Variants in PNPLA1 observed in about 807,000 individuals in gnomAD.
PNPLA1 encodes the protein patatin like domain 1, omega-hydroxyceramide transacylase.
In PNPLA1, 36 loss-of-function variants were observed where a neutral mutation model predicts 51.7. That is an observed-to-expected ratio of 0.70 (90% confidence interval 0.53 to 0.92). The LOEUF is 0.92. Ranked by LOEUF, PNPLA1 falls within the 40% of genes least tolerant of loss-of-function variation. The pLI, the probability that PNPLA1 is intolerant of heterozygous loss-of-function variation, is 0.00. For missense variants in PNPLA1, 658 were observed against 682.5 expected, an observed-to-expected ratio of 0.96 and a Z score of 0.40; for synonymous variants, 293 against 280.1, an observed-to-expected ratio of 1.05 and a Z score of -0.46.
Position 36,301,947 on chromosome 6 carries a change from G to A in PNPLA1, c.862G>A (p.Glu288Lys). Residue 288 changes from glutamate to lysine, a missense_variant, in exon 6 of 9, where the codon GAG becomes AAG. Transcript: ENST00000636260. ...YCQIELALGNECPERSQPSLR... is the reference protein window; with the variant it reads ...YCQIELALGNKCPERSQPSLR... ...CCAGATAGAACTCGCCCTTGGCAAT[G>A]AGTGCCCTGAACGCAGTCAACCAAG... is the stretch of plus-strand genomic sequence containing the variant. 6.2e-7 allele frequency: 1 copy of A among 1,614,130 alleles called. No homozygotes were observed. The highest frequency in any genetic ancestry group is 8.5e-7 in the Non-Finnish European group (1 of 1,180,030).
intron 5 of PNPLA1, among the ~76,000 whole-genome samples, chr6:36,301,298 C>T (rs1168970168): frequency 6.6e-6 from 1 of 152,130 alleles, no homozygotes; most frequent in African/African-American, 2.4e-5. Flanking sequence ...GATTACCTCC[C>T]CTGCCTAAAA....
rs886061373 is a variant in PNPLA1, at chr6:36,291,562, C to T, written c.438+10C>T. On this transcript the variant is annotated intron_variant, in intron 2 of 8. Coordinates refer to ENST00000636260, the MANE Select transcript of PNPLA1 (RefSeq NM_001374623.1). Reference sequence around the variant, plus strand: ...GGAGGAGCTCATTGAGGCAAGGGGGCTGGGCTGGGAGGGAGGGACACGGAG... The same window carrying T: ...GGAGGAGCTCATTGAGGCAAGGGGGTTGGGCTGGGAGGGAGGGACACGGAG... The T allele has an allele frequency of 4.5e-5, 7 of 154,078 alleles. No homozygotes were observed. Among genetic ancestry groups the T allele is most frequent in the East Asian group, 2.3e-4 (1 of 4,262 alleles). 9.5% of individuals were successfully genotyped at this position (154,078 alleles called of 1,614,324 possible). A position where few individuals can be genotyped will look rare whatever the true frequency, so the allele number is the denominator to read the frequency against.
At chr6:36,310,463 A>G (rs1310744531) in intron 8 of PNPLA1, among the ~76,000 whole-genome samples, 2 of 152,154 alleles carry the variant, frequency 1.3e-5, no homozygotes, top group South Asian at 2.1e-4. Flanking sequence ...CCTGCCCCCA[A>G]ATCCTCCAAA....
chr6:36,298,924 A>T (rs1770939384), intron 5 of PNPLA1, among the ~76,000 whole-genome samples: 1 of 152,202 alleles, frequency 6.6e-6, no homozygotes, highest in South Asian at 2.1e-4. Flanking sequence ...TTTTTAGTAG[A>T]GACAGGGTTT....
chr6:36,295,912 G>A (rs776254351), intron 5 of PNPLA1, among the ~76,000 whole-genome samples: 1 of 152,312 alleles, frequency 6.6e-6, no homozygotes, highest in Non-Finnish European at 1.5e-5. Context: ...GTTTGGAATG[G>A]TGGTCCCTCC....
At chr6:36,302,519 G>A (rs1771095425) in intron 6 of PNPLA1, 50 bp downstream of exon 6, 2 of 1,511,388 alleles carry the variant, frequency 1.3e-6, no homozygotes, top group Non-Finnish European at 8.8e-7. Flanking sequence ...GGAGCCCCTT[G>A]GCAAGCGAGC....
chr6:36,309,721 G>A (rs1208245228), intron 8 of PNPLA1, among the ~76,000 whole-genome samples: 1 of 152,206 alleles, frequency 6.6e-6, no homozygotes, highest in Non-Finnish European at 1.5e-5. Context: ...TGTCTGCTGC[G>A]TTCCTTTACA....
intron 1 of PNPLA1, among the ~76,000 whole-genome samples, chr6:36,253,041 G>A (rs1036106872): frequency 2.0e-5 from 3 of 152,252 alleles, no homozygotes; most frequent in Non-Finnish European, 2.9e-5. Flanking sequence ...TTAGCCGAGC[G>A]TGGTGGCATG....
intron 1 of PNPLA1, among the ~76,000 whole-genome samples, chr6:36,275,130 G>A (rs1770050199): frequency 6.6e-6 from 1 of 152,186 alleles, no homozygotes; most frequent in South Asian, 2.1e-4. Context: ...CCACATCGGA[G>A]TGCAGTGGCA....
chr6:36,305,660 T>C (rs983649472), intron 6 of PNPLA1, among the ~76,000 whole-genome samples: 2 of 151,776 alleles, frequency 1.3e-5, no homozygotes, highest in African/African-American at 4.9e-5. Flanking sequence ...AAGCATGTGA[T>C]GGAAAGTCCA....
intron 1 of PNPLA1, among the ~76,000 whole-genome samples, chr6:36,283,228 G>A (rs1561860139): frequency 6.6e-6 from 1 of 151,980 alleles, no homozygotes; most frequent in Non-Finnish European, 1.5e-5. Context: ...TCTCTTTTCT[G>A]TCCCAGAATC....
At chr6:36,275,970 T>C (rs539843146) in intron 1 of PNPLA1, among the ~76,000 whole-genome samples, 2 of 151,770 alleles carry the variant, frequency 1.3e-5, no homozygotes, top group Non-Finnish European at 2.9e-5. Flanking sequence ...CTTTCTTTCT[T>C]TCTTTTGAGA....
chr6:36,310,671 A>G (rs1175139338), intron 8 of PNPLA1, among the ~76,000 whole-genome samples: 1 of 152,266 alleles, frequency 6.6e-6, no homozygotes, highest in Non-Finnish European at 1.5e-5. Flanking sequence ...TGGCAGAGCC[A>G]GGATCCCAAT....
chr6:36,300,559 G>GT (rs545796079), intron 5 of PNPLA1, among the ~76,000 whole-genome samples: 1 of 152,112 alleles, frequency 6.6e-6, no homozygotes, highest in Non-Finnish European at 1.5e-5. Context: ...TTTGTCTGAT[G>GT]TTTTTCTCAA....
rs577964639 is a variant in PNPLA1, at chr6:36,306,250, C to T, written c.1385-42C>T. On this transcript the variant is annotated intron_variant, in intron 6 of 8. Coordinates refer to ENST00000636260, the MANE Select transcript of PNPLA1 (RefSeq NM_001374623.1). ...TATTTCAAAAATGACTCCATATCCC[C>T]CCTCCCCATCTCACTCCCGTTTCCT... is the stretch of plus-strand genomic sequence containing the variant. 1.6e-5 allele frequency: 23 copies of T among 1,465,970 alleles called. No homozygotes were observed. In the African/African-American group the frequency reaches 1.8e-4, roughly 12 times the overall value. The allele number at this position is 1,465,970 out of a possible 1,614,324, so 90.8% of individuals were successfully genotyped here.
At position 36,306,362 on chromosome 6, in the gene PNPLA1, C is replaced by G. The variant is rs1163474699; in HGVS notation, c.1455C>G (p.Ser485Arg). ...TGGTTCATGTGAAGGAAACCGTCAG[C>G]AAGCCTTATGTAACGTAAGTTTCCC... ...VPLVHVKETV[S>R]KPYVTESPAE... Residue 485 changes from serine to arginine, a missense_variant, in exon 7 of 9, where the codon AGC becomes AGG. Physicochemically the swap from Ser to Arg is moderately radical, Grantham distance 110. Transcript: ENST00000636260. 1.9e-6 allele frequency: 3 copies of G among 1,612,688 alleles called. No individual in the cohort carries two copies. The highest frequency in any genetic ancestry group is 2.5e-6 in the Non-Finnish European group (3 of 1,179,544).
intron 1 of PNPLA1, among the ~76,000 whole-genome samples, chr6:36,282,535 A>T (rs1178433659): frequency 4.6e-5 from 7 of 152,246 alleles, no homozygotes; most frequent in Non-Finnish European, 7.3e-5. Context: ...TTGGTTACAC[A>T]GTAGAAACAT....
chr6:36,306,194 T>C, intron 6 of PNPLA1, 98 bp from the exon 7 acceptor site: 2 of 916,490 alleles, frequency 2.2e-6, no homozygotes, highest in Non-Finnish European at 3.4e-6. Context: ...TTCTTTGCTG[T>C]TTTTAAACAT....
intron 1 of PNPLA1, among the ~76,000 whole-genome samples, chr6:36,277,122 C>T (rs952303288): frequency 6.6e-6 from 1 of 152,154 alleles, no homozygotes; most frequent in Non-Finnish European, 1.5e-5. Context: ...CATGACAACA[C>T]GACAAAGCCA....
Sources: allele counts gnomAD v4.1 joint callset (sites outside exome capture counted in the v4.1 genomes callset), GRCh38; gene constraint gnomAD v4.1.1; transcripts MANE v1.5; gene names NCBI Gene and HGNC (gene_info 2026-07-23, HGNC 2026-07-21).